The following XKR9 variants were observed in gnomAD, a reference collection of about 807,000 sequenced individuals.
XKR9 encodes the protein XK related 9.
Under a neutral mutation model 32.0 loss-of-function variants are expected in XKR9, and 32 were observed. The observed-to-expected ratio is 1.00, with a 90% CI of 0.76 to 1.34. XKR9 has a LOEUF of 1.34. Ranked by LOEUF, XKR9 falls within the 40% of genes most tolerant of loss-of-function variation. The pLI, the probability that XKR9 is intolerant of heterozygous loss-of-function variation, is 0.00. For synonymous variants in XKR9, 168 were observed against 143.4 expected (o/e 1.17, Z -1.22); for missense variants, 546 against 429.7 (o/e 1.27, Z -2.39).
At chr8:70,847,330 A>T in the XKR9 span, among the ~76,000 whole-genome samples, 5 of 152,164 alleles carry the variant, frequency 3.3e-5, no homozygotes, top group East Asian at 9.6e-4. Context: ...AACCTATGGG[A>T]TACAGCAAAA....
chr8:70,902,444 GCT>G, the XKR9 span, among the ~76,000 whole-genome samples: 5 of 151,980 alleles, frequency 3.3e-5, no homozygotes, highest in Admixed American at 6.6e-5. Flanking sequence ...TCATGATTTG[GCT>G]CTCTGTTTGT....
Position 70,761,076 on chromosome 8 carries a change from G to A in XKR9, n.353-28263G>A, listed in dbSNP as rs141201390. 6.4e-3 allele frequency among the ~76,000 whole-genome samples: 972 copies of A among 152,312 alleles called. 10 individuals carry two copies. Among genetic ancestry groups the A allele is most frequent in the African/African-American group, 0.021 (887 of 41,568 alleles). On this transcript the variant is annotated intron_variant and non_coding_transcript_variant, in intron 2 of 3. Transcript: ENST00000520273. ...TTCTATGGCTGCATAATATTCCACAGTGCTTATGTACCACATTTTCTTCAT... is the reference window on the plus strand; with the variant it reads ...TTCTATGGCTGCATAATATTCCACAATGCTTATGTACCACATTTTCTTCAT...
the XKR9 span, among the ~76,000 whole-genome samples, chr8:70,959,162 G>A: frequency 6.6e-6 from 1 of 152,024 alleles, no homozygotes. Flanking sequence ...TTAAAAATGA[G>A]CACATTTGTA....
chr8:70,722,925 A>T (rs150735939), intron 4 of XKR9, among the ~76,000 whole-genome samples: 16 of 152,076 alleles, frequency 1.1e-4, no homozygotes, highest in Admixed American at 6.6e-4. Flanking sequence ...CATCATTTTC[A>T]GATACACCAG....
the XKR9 span, among the ~76,000 whole-genome samples, chr8:70,891,735 C>T: frequency 6.6e-6 from 1 of 151,992 alleles, no homozygotes; most frequent in East Asian, 1.9e-4. Context: ...CATTTCATAG[C>T]TGTTAGATGA....
At chr8:70,842,498 C>G in the XKR9 span, among the ~76,000 whole-genome samples, 2 of 151,442 alleles carry the variant, frequency 1.3e-5, no homozygotes, top group African/African-American at 4.9e-5. Flanking sequence ...TATTCCCAGG[C>G]CAGAGCCAAT....
At chr8:71,060,017 T>C in the XKR9 span, among the ~76,000 whole-genome samples, 9,528 of 152,256 alleles carry the variant, frequency 0.063, 447 homozygotes, top group Non-Finnish European at 0.092. Flanking sequence ...AATTATTCAG[T>C]TCTCCAGTTT....
At chr8:70,817,768 T>C in the XKR9 span, among the ~76,000 whole-genome samples, 14 of 152,128 alleles carry the variant, frequency 9.2e-5, no homozygotes, top group Non-Finnish European at 1.5e-4. Context: ...AACAGGTATA[T>C]AGACCAATAT....
intron 4 of XKR9, among the ~76,000 whole-genome samples, chr8:70,726,903 A>G (rs1806488421): frequency 6.6e-6 from 1 of 152,128 alleles, no homozygotes; most frequent in Non-Finnish European, 1.5e-5. Flanking sequence ...AAACAAAGGC[A>G]ATTTTGTGAG....
the XKR9 span, among the ~76,000 whole-genome samples, chr8:70,867,721 G>C: frequency 6.6e-6 from 1 of 151,788 alleles, no homozygotes; most frequent in Non-Finnish European, 1.5e-5. Flanking sequence ...CAGAGTGCTG[G>C]GATTACAGGC....
intron 4 of XKR9, among the ~76,000 whole-genome samples, chr8:70,730,630 A>G (rs769453488): frequency 3.5e-4 from 53 of 152,202 alleles, no homozygotes; most frequent in Non-Finnish European, 6.2e-4. Context: ...CAGAGAAAGG[A>G]AAATTCAAGA....
At chr8:70,852,814 C>T in the XKR9 span, among the ~76,000 whole-genome samples, 10 of 151,862 alleles carry the variant, frequency 6.6e-5, no homozygotes, top group Non-Finnish European at 1.2e-4. Context: ...TATGTGGGAA[C>T]AGGGAGGGGA....
intron 2 of XKR9, among the ~76,000 whole-genome samples, chr8:70,774,718 G>A (rs1031816440): frequency 6.6e-6 from 1 of 152,020 alleles, no homozygotes; most frequent in Admixed American, 6.6e-5. Flanking sequence ...GACCCTATAT[G>A]CAATGGTCCA....
chr8:71,063,468 G>A, the XKR9 span, among the ~76,000 whole-genome samples: 1 of 151,972 alleles, frequency 6.6e-6, no homozygotes, highest in Non-Finnish European at 1.5e-5. Context: ...TGAGAAGTGT[G>A]GGGCCCTTAA....
chr8:70,671,113 C>T (rs915507944), intron 1 of XKR9, among the ~76,000 whole-genome samples: 38 of 152,214 alleles, frequency 2.5e-4, no homozygotes, highest in Non-Finnish European at 5.3e-4. Flanking sequence ...CTCACTGTAA[C>T]CTTGAACTCT....
chr8:70,679,394 C>G (rs1426418079), intron 2 of XKR9, among the ~76,000 whole-genome samples: 3 of 152,130 alleles, frequency 2.0e-5, no homozygotes, highest in Non-Finnish European at 4.4e-5. Context: ...TTGACCTTCA[C>G]AACAACCCTA....
At chr8:71,055,251 T>C in the XKR9 span, among the ~76,000 whole-genome samples, 8 of 152,298 alleles carry the variant, frequency 5.3e-5, no homozygotes, top group Admixed American at 2.6e-4. Context: ...CCCTCCAAGA[T>C]TAAAGTTGAA....
chr8:70,698,443 C>T (rs1805377077), intron 3 of XKR9, among the ~76,000 whole-genome samples: 1 of 152,074 alleles, frequency 6.6e-6, no homozygotes, highest in Non-Finnish European at 1.5e-5. Context: ...TCATTATGTA[C>T]CCAGTAGTCA....
chr8:71,029,502 T>G, the XKR9 span, among the ~76,000 whole-genome samples: 1 of 152,144 alleles, frequency 6.6e-6, no homozygotes, highest in Non-Finnish European at 1.5e-5. Flanking sequence ...TTTTATTTAA[T>G]TTAATAATAG....
Sources: gnomAD v4.1 joint callset for allele counts (sites outside exome capture counted in the v4.1 genomes callset) on GRCh38, gnomAD v4.1.1 for gene constraint, MANE v1.5 for transcripts, NCBI Gene and HGNC (gene_info 2026-07-23, HGNC 2026-07-21) for gene names.